NBAS: variants seen among roughly 807,000 people sequenced by gnomAD.
NBAS encodes the protein NAG/BC035112 fusion.
NBAS carries 219 observed loss-of-function variants against 302.5 expected under a neutral mutation model. The observed-to-expected ratio is 0.72, with a 90% CI of 0.65 to 0.81. The LOEUF is 0.81. NBAS is among the 30% of genes least tolerant of loss of function. The pLI is 0.00. For synonymous variants in NBAS, 1,118 were observed against 1,021.6 expected (o/e 1.09, Z -1.80); for missense variants, 2,932 against 2,841.6 (o/e 1.03, Z -0.72).
At chr2:15,395,466 A>G (rs778606764) in intron 27 of NBAS, among the ~76,000 whole-genome samples, 9 of 152,154 alleles carry the variant, frequency 5.9e-5, no homozygotes, top group South Asian at 2.1e-4. Flanking sequence ...ATACAACTGT[A>G]TAACTTTCAG....
the NBAS span, among the ~76,000 whole-genome samples, chr2:14,822,929 C>T: frequency 3.0e-4 from 46 of 152,234 alleles, 1 homozygote; most frequent in Admixed American, 7.2e-4. Context: ...TGGGTAAAGG[C>T]ATGAAGCTTC....
chr2:15,187,996 C>T (rs1665168039), intron 49 of NBAS, among the ~76,000 whole-genome samples: 1 of 152,164 alleles, frequency 6.6e-6, no homozygotes. Context: ...AAGGACTTCC[C>T]CTCTTTTCTC....
the NBAS span, among the ~76,000 whole-genome samples, chr2:14,939,348 C>G: frequency 6.6e-6 from 1 of 152,210 alleles, no homozygotes; most frequent in Middle Eastern, 3.2e-3. Context: ...ATCTCTATTT[C>G]AGGAAGACAA....
chr2:15,182,179 C>T (rs948882289), intron 50 of NBAS, among the ~76,000 whole-genome samples: 4 of 152,358 alleles, frequency 2.6e-5, no homozygotes, highest in Non-Finnish European at 5.9e-5. Flanking sequence ...TGTGCTGGGC[C>T]TGCTGCTCGA....
At chr2:15,550,630 A>C (rs1442934052) in intron 6 of NBAS, among the ~76,000 whole-genome samples, 1 of 145,090 alleles carries the variant, frequency 6.9e-6, no homozygotes, top group Non-Finnish European at 1.5e-5. Context: ...TCTGTTGTCC[A>C]TGCTGGAGTC....
At position 15,238,684 on chromosome 2, in the gene NBAS, C is replaced by T. The variant is rs34080125; in HGVS notation, c.5727G>A (p.Leu1909=). 8 of 1,504,854 alleles carry T rather than the reference C, an allele frequency of 5.3e-6. No homozygotes were observed. The highest frequency in any genetic ancestry group is 7.1e-6 in the Non-Finnish European group (8 of 1,133,758). 93.2% of individuals were successfully genotyped at this position (1,504,854 alleles called of 1,614,324 possible). ...TCATCTCTTTACGGGCTTCCACAGACAGCTTAAAAAAAAGAATAGTGAGAC... is the reference window on the plus strand; with the variant it reads ...TCATCTCTTTACGGGCTTCCACAGATAGCTTAAAAAAAAGAATAGTGAGAC... The part of the protein sequence containing the change: ...VTFSPKAVTK[L]SVEARKEMTR... Residue 1909 remains leucine, a splice_region_variant and synonymous_variant, in exon 45 of 52, where the codon CTG becomes CTA. Coordinates refer to ENST00000281513, the MANE Select transcript of NBAS (RefSeq NM_015909.4).
At chr2:14,796,600 G>A in the NBAS span, among the ~76,000 whole-genome samples, 2 of 151,994 alleles carry the variant, frequency 1.3e-5, no homozygotes, top group East Asian at 1.9e-4. Context: ...TATTGATAGC[G>A]ACAGGAGGCA....
At chr2:15,070,097 C>T in the NBAS span, among the ~76,000 whole-genome samples, 2 of 152,174 alleles carry the variant, frequency 1.3e-5, no homozygotes, top group Non-Finnish European at 2.9e-5. Context: ...TGTCTCCTGA[C>T]CTGCTGTCTG....
chr2:14,890,122 C>G, the NBAS span, among the ~76,000 whole-genome samples: 1 of 152,120 alleles, frequency 6.6e-6, no homozygotes, highest in Non-Finnish European at 1.5e-5. Flanking sequence ...CTTAGAAGAC[C>G]TACTGTTTGT....
chr2:14,855,862 G>A, the NBAS span, among the ~76,000 whole-genome samples: 5 of 152,324 alleles, frequency 3.3e-5, no homozygotes, highest in East Asian at 9.6e-4. Flanking sequence ...CTAAAGGAAA[G>A]AACACAGGCC....
chr2:15,110,851 T>C, the NBAS span, among the ~76,000 whole-genome samples: 1 of 152,030 alleles, frequency 6.6e-6, no homozygotes, highest in African/African-American at 2.4e-5. Flanking sequence ...AATTCAGAGA[T>C]AAACAGAAAT....
chr2:15,558,673 C>G (rs757303300), intron 1 of NBAS, 39 bp from the exon 2 acceptor site: 1 of 1,471,712 alleles, frequency 6.8e-7, no homozygotes, highest in Non-Finnish European at 9.5e-7. Context: ...TTTGAATCTT[C>G]TAGTAGTATT....
chr2:15,424,042 G>A (rs941952267), intron 23 of NBAS, among the ~76,000 whole-genome samples: 8 of 152,102 alleles, frequency 5.3e-5, no homozygotes, highest in African/African-American at 1.2e-4. Context: ...TTAAGCCTAC[G>A]AAAAATATAT....
At chr2:15,071,059 C>T in the NBAS span, among the ~76,000 whole-genome samples, 2 of 152,120 alleles carry the variant, frequency 1.3e-5, no homozygotes, top group Non-Finnish European at 2.9e-5. Context: ...CCAAAGCCAG[C>T]CACTTCAATA....
At chr2:15,533,143 C>T (rs942767092) in intron 9 of NBAS, among the ~76,000 whole-genome samples, 3 of 152,046 alleles carry the variant, frequency 2.0e-5, no homozygotes, top group Non-Finnish European at 2.9e-5. Context: ...GAATGTGAAA[C>T]GAGAGACACT....
chr2:15,540,546 C>T (rs1259914509), intron 6 of NBAS, among the ~76,000 whole-genome samples: 1 of 151,930 alleles, frequency 6.6e-6, no homozygotes, highest in Non-Finnish European at 1.5e-5. Flanking sequence ...GAAGGTTCTC[C>T]ATTTCCAACA....
At chr2:15,031,624 C>T in the NBAS span, among the ~76,000 whole-genome samples, 6 of 152,138 alleles carry the variant, frequency 3.9e-5, no homozygotes, top group Admixed American at 2.0e-4. Context: ...TCAACTCCAG[C>T]CTAGTAAGAG....
At chr2:14,980,707 G>A in the NBAS span, among the ~76,000 whole-genome samples, 11 of 152,070 alleles carry the variant, frequency 7.2e-5, no homozygotes, top group Admixed American at 3.3e-4. Context: ...GGACTCTCAC[G>A]TGAAATGGAG....
the NBAS span, among the ~76,000 whole-genome samples, chr2:14,975,538 T>C: frequency 6.6e-6 from 1 of 152,220 alleles, no homozygotes; most frequent in South Asian, 2.1e-4. Flanking sequence ...TTCTACTGCA[T>C]GGCTTTGAGA....
Sources: allele counts gnomAD v4.1 joint callset (sites outside exome capture counted in the v4.1 genomes callset), GRCh38; gene constraint gnomAD v4.1.1; transcripts MANE v1.5; gene names NCBI Gene and HGNC (gene_info 2026-07-23, HGNC 2026-07-21).